Variants in ERAP1 observed in about 807,000 individuals in gnomAD.
The protein encoded by ERAP1 is adipocyte-derived leucine aminopeptidase.
A neutral mutation model predicts 103.7 loss-of-function variants in ERAP1; 86 were observed. The observed-to-expected ratio is 0.83, with a 90% CI of 0.70 to 0.99. The LOEUF is 0.99. Among genes scored for constraint, ERAP1 ranks in the 50% least tolerant of loss-of-function variants. The probability of loss-of-function intolerance (pLI) is 0.00; values close to 1 mark genes in which losing one functional copy is unlikely to be tolerated. For missense variants in ERAP1, 1,009 were observed against 1,128.4 expected, an observed-to-expected ratio of 0.89 and a Z score of 1.52; for synonymous variants, 398 against 402.4, an observed-to-expected ratio of 0.99 and a Z score of 0.13.
Position 96,784,022 on chromosome 5 carries a change from T to C in ERAP1, c.2002A>G (p.Thr668Ala). The C allele has an allele frequency of 6.2e-7, 1 of 1,614,050 alleles. No homozygotes were observed. ...CCTTGAAACACGGGCATAATTTCAG[T>C]TTCATGTTTCAAGTACAGGGATAAA... The part of the protein sequence containing the change: ...LDLSLYLKHE[T>A]EIMPVFQGLN... Residue 668 changes from threonine to alanine, a missense_variant, in exon 14 of 19, where the codon ACT becomes GCT. Thr to Ala is a moderately conservative substitution (Grantham distance 58). This residue lies in a region of ERAP1 where 611 missense variants were observed against 651.7 expected (regional missense o/e 0.94). Coordinates refer to ENST00000443439, the MANE Select transcript of ERAP1 (RefSeq NM_001040458.3).
At chr5:96,866,570 G>T in the ERAP1 span, among the ~76,000 whole-genome samples, 1 of 152,108 alleles carries the variant, frequency 6.6e-6, no homozygotes, top group Non-Finnish European at 1.5e-5. Context: ...TGTTTTTCTG[G>T]GTGCAGTTGC....
Position 96,780,407 on chromosome 5 carries a change from G to C in ERAP1, c.2670+16C>G. 1 of 1,391,900 alleles carries C rather than the reference G, an allele frequency of 7.2e-7. No homozygotes were observed. Among genetic ancestry groups the C allele is most frequent in the Non-Finnish European group, 9.8e-7 (1 of 1,017,552 alleles). 86.2% of individuals were successfully genotyped at this position (1,391,900 alleles called of 1,614,324 possible). ...ATTTATGTTTAAAAATATATATATA[G>C]ATTTTTTTTTTTTACCTCTTCAAGC... On this transcript the variant is annotated intron_variant, in intron 18 of 18. Coordinates refer to ENST00000443439, the MANE Select transcript of ERAP1 (RefSeq NM_001040458.3).
chr5:96,790,173 G>A (rs1776561650), intron 10 of ERAP1, 123 bp downstream of exon 10: 14 of 832,916 alleles, frequency 1.7e-5, no homozygotes, highest in Non-Finnish European at 2.8e-5. Flanking sequence ...TTTAAATGCA[G>A]TCTTATCTGG....
At position 96,788,619 on chromosome 5, in the gene ERAP1, GA is replaced by G; in HGVS notation, c.1590del (p.Leu532Ter). ...CCCCTCACTGTGATGGTTATTAGGG[GA>G]AAACCCTTCTGCAGTGTCCAAGTGT... ...MMNTWTLQKG[F>X]PLITITVRGR... On this transcript the variant is annotated frameshift_variant, in exon 11 of 19. Transcript: ENST00000443439. LOFTEE classifies it high-confidence loss of function. 1 of 1,614,148 alleles carries G rather than the reference GA, an allele frequency of 6.2e-7. No homozygotes were observed. Among genetic ancestry groups the G allele is most frequent in the Non-Finnish European group, 8.5e-7 (1 of 1,180,018 alleles).
intron 4 of ERAP1, among the ~76,000 whole-genome samples, chr5:96,796,620 C>G (rs1405189835): frequency 6.6e-6 from 1 of 152,144 alleles, no homozygotes; most frequent in African/African-American, 2.4e-5. Flanking sequence ...AGTGAAGTGA[C>G]TGCAGTGAAG....
At chr5:96,935,816 A>ACAC in the ERAP1 span, 1 of 327,548 alleles carries the variant, frequency 3.1e-6, no homozygotes, top group Non-Finnish European at 5.7e-6. Context: ...GAGTGACTGA[A>ACAC]CACCGTTCCC....
Position 96,776,338 on chromosome 5 carries a change from T to TA in ERAP1, c.*57dup. 1 of 1,569,306 alleles carries TA rather than the reference T, an allele frequency of 6.4e-7. No homozygotes were observed. Among genetic ancestry groups the TA allele is most frequent in the Non-Finnish European group, 8.6e-7 (1 of 1,158,828 alleles). On this transcript the variant is annotated 3_prime_UTR_variant, in exon 19 of 19. Transcript: ENST00000443439. ...AAAACAGCCATCTCTAGTTTGAAAA[T>TA]ACACTCAACAAAATGTTGGTGATTA...
chr5:96,862,952 T>C, the ERAP1 span, among the ~76,000 whole-genome samples: 148 of 152,328 alleles, frequency 9.7e-4, 3 homozygotes, highest in East Asian at 0.026. Flanking sequence ...CTACCTCGTT[T>C]ACCCTCACCC....
chr5:96,882,917 C>G, the ERAP1 span, among the ~76,000 whole-genome samples: 1 of 152,174 alleles, frequency 6.6e-6, no homozygotes, highest in East Asian at 1.9e-4. Context: ...CAGTCAAAAT[C>G]TGCTCTCCAA....
the ERAP1 span, among the ~76,000 whole-genome samples, chr5:96,823,371 C>G: frequency 6.6e-6 from 1 of 152,170 alleles, no homozygotes; most frequent in Non-Finnish European, 1.5e-5. Context: ...CATTTCCCAT[C>G]TTTCTACTTT....
At chr5:96,851,912 CAGAGT>C in the ERAP1 span, among the ~76,000 whole-genome samples, 1 of 152,128 alleles carries the variant, frequency 6.6e-6, no homozygotes, top group Non-Finnish European at 1.5e-5. Context: ...AAAAAACAGG[CAGAGT>C]AAAGGACAGC....
chr5:96,791,580 T>C (rs140908850), intron 8 of ERAP1, among the ~76,000 whole-genome samples: 61 of 152,310 alleles, frequency 4.0e-4, no homozygotes, highest in African/African-American at 1.4e-3. Flanking sequence ...CTCCTTTTTC[T>C]TCCCCAAGAG....
At chr5:96,932,849 T>C in the ERAP1 span, among the ~76,000 whole-genome samples, 1 of 152,206 alleles carries the variant, frequency 6.6e-6, no homozygotes, top group South Asian at 2.1e-4. Flanking sequence ...TCCAAATTAA[T>C]GGTTTTCAAG....
chr5:96,897,418 T>G, the ERAP1 span, among the ~76,000 whole-genome samples: 1 of 152,218 alleles, frequency 6.6e-6, no homozygotes, highest in South Asian at 2.1e-4. Context: ...CAGCCCTCAT[T>G]CGTTTGCCTG....
Position 96,800,982 on chromosome 5 carries a change from T to G in ERAP1, c.543A>C (p.Gln181His), listed in dbSNP as rs1209187397. 6.2e-7 allele frequency: 1 copy of G among 1,614,048 alleles called. No homozygotes were observed. The change falls in exon 3 of 19, where the codon CAA becomes CAC. Residue 181 changes from glutamine (Q) to histidine (H), a missense_variant. Physicochemically the swap from Gln to His is conservative, Grantham distance 24. Coordinates refer to ENST00000443439, the MANE Select transcript of ERAP1 (RefSeq NM_001040458.3). Reference protein sequence around the residue: ...EGELRILASTQFEPTAARMAF... With the variant: ...EGELRILASTHFEPTAARMAF... ...CCATTCTAGCTGCAGTGGGTTCAAA[T>G]TGTGTTGATGCTAGTATCCTAAAAT...
the ERAP1 span, chr5:96,897,012 C>T: frequency 1.2e-5 from 3 of 243,778 alleles, no homozygotes; most frequent in Non-Finnish European, 1.7e-5. Context: ...GCAGCACTTC[C>T]CTTTTTCCTC....
Position 96,781,817 on chromosome 5 carries a change from C to G in ERAP1, c.2323G>C (p.Gly775Arg). The G allele has an allele frequency of 1.2e-6, 2 of 1,614,040 alleles. No individual in the cohort carries two copies. Among genetic ancestry groups the G allele is most frequent in the Non-Finnish European group, 1.7e-6 (2 of 1,180,016 alleles). ...TCCCAGCCTTCTGTGCTCTGGGCCCCCACAGCAAACACTGCCAAGGTCACG... is the reference window on the plus strand; with the variant it reads ...TCCCAGCCTTCTGTGCTCTGGGCCCGCACAGCAAACACTGCCAAGGTCACG... ...VDVTLAVFAV[G>R]AQSTEGWDFL... Residue 775 changes from glycine (G) to arginine (R), a missense_variant, in exon 16 of 19, where the codon GGG (glycine) becomes CGG (arginine). Physicochemically the swap from Gly to Arg is moderately radical, Grantham distance 125 (BLOSUM62 -2). Transcript: ENST00000443439.
the ERAP1 span, chr5:96,915,624 A>G: frequency 1.1e-6 from 1 of 894,340 alleles, no homozygotes; most frequent in East Asian, 2.8e-5. Flanking sequence ...AATATAATAC[A>G]TGATATAATA....
At chr5:96,841,616 T>A in the ERAP1 span, among the ~76,000 whole-genome samples, 1 of 152,160 alleles carries the variant, frequency 6.6e-6, no homozygotes, top group Non-Finnish European at 1.5e-5. Context: ...GCAACCTAGC[T>A]AACCCAGAGA....
Sources: gnomAD v4.1 joint callset for allele counts (sites outside exome capture counted in the v4.1 genomes callset) on GRCh38, gnomAD v4.1.1 for gene constraint, gnomAD v4.1.1 regional missense constraint, MANE v1.5 for transcripts, NCBI Gene and HGNC (gene_info 2026-07-23, HGNC 2026-07-21) for gene names.